The following MDH2 variants were observed in gnomAD, a reference collection of about 807,000 sequenced individuals.
The protein encoded by MDH2 is malate dehydrogenase, mitochondrial.
In MDH2, 25 loss-of-function variants were observed where a neutral mutation model predicts 33.6. That is an observed-to-expected ratio of 0.74 (90% CI 0.54 to 1.04). MDH2 has a LOEUF of 1.04. Ranked by LOEUF, MDH2 falls within the 50% of genes least tolerant of loss-of-function variation. The pLI, the probability that MDH2 is intolerant of heterozygous loss-of-function variation, is 0.00. For missense variants in MDH2, 432 were observed against 445.0 expected (o/e 0.97, Z 0.26); for synonymous variants, 193 against 188.7 (o/e 1.02, Z -0.19).
chr7:76,057,495 T>C lies in MDH2; in HGVS notation c.319+2T>C. On this transcript the variant is annotated splice_donor_variant, in intron 3 of 8. Transcript: ENST00000315758. LOFTEE classifies it high-confidence loss of function. ...CGGCTGGAGTCCCCAGAAAGCCAGG[T>C]TTGTGTTTGAAAGCCTTGTCTGGTA... is the stretch of plus-strand genomic sequence containing the variant. 6.2e-6 allele frequency: 10 copies of C among 1,613,994 alleles called. No homozygotes were observed. The highest frequency in any genetic ancestry group is 7.6e-6 in the Non-Finnish European group (9 of 1,179,988).
At chr7:76,058,219 A>C (rs996606053) in intron 4 of MDH2, 141 bp downstream of exon 4, 7 of 748,844 alleles carry the variant, frequency 9.3e-6, no homozygotes, top group Non-Finnish European at 1.5e-5. Context: ...GCTGAAATGG[A>C]GAGGTCGGGT....
intron 5 of MDH2, among the ~76,000 whole-genome samples, chr7:76,061,655 AAAAC>A (rs1554587029): frequency 6.6e-6 from 1 of 152,092 alleles, no homozygotes; most frequent in Non-Finnish European, 1.5e-5. Context: ...AAAAAAAAAA[AAAAC>A]AGTTTGAGTG....
chr7:76,048,985 G>GT (rs1797468170), intron 1 of MDH2: 2 of 37,994 alleles, frequency 5.3e-5, no homozygotes, highest in Non-Finnish European at 3.7e-5. Flanking sequence ...AGACTGCGGG[G>GT]GGGGGGGGGG....
intron 2 of MDH2, among the ~76,000 whole-genome samples, chr7:76,057,119 A>G (rs1323595553): frequency 6.6e-6 from 1 of 152,096 alleles, no homozygotes; most frequent in Non-Finnish European, 1.5e-5. Context: ...CACGAGTAGG[A>G]TGAAGACAAG....
chr7:76,064,235 G>T, intron 6 of MDH2, 104 bp from the exon 7 acceptor site: 1 of 735,760 alleles, frequency 1.4e-6, no homozygotes, highest in South Asian at 1.9e-5. Flanking sequence ...CCATGCCCTG[G>T]TGATGGGAGG....
At position 76,054,943 on chromosome 7, in the gene MDH2, C is replaced by T. The variant is rs548813592; in HGVS notation, c.180C>T (p.His60=). ...VSRLTLYDIA[H]TPGVAADLSH... ...GCCTGACCCTCTATGATATCGCGCA[C>T]ACACCCGGAGTGGCCGCAGATCTGA... is the stretch of plus-strand genomic sequence containing the variant. The change falls in exon 2 of 9, where the codon CAC becomes CAT. Residue 60 remains histidine (H), a synonymous_variant. Transcript: ENST00000315758. The T allele has an allele frequency of 2.5e-6, 4 of 1,614,138 alleles. No homozygotes were observed. The African/African-American group carries it at 5.3e-5, about 22-fold the overall frequency.
At chr7:76,052,172 T>C (rs915440197) in intron 1 of MDH2, among the ~76,000 whole-genome samples, 4 of 152,072 alleles carry the variant, frequency 2.6e-5, no homozygotes, top group Admixed American at 6.6e-5. Context: ...TGGTAGAGAT[T>C]AATTCTTTGT....
At chr7:76,057,030 G>C (rs538098072) in intron 2 of MDH2, among the ~76,000 whole-genome samples, 39 of 149,798 alleles carry the variant, frequency 2.6e-4, no homozygotes, top group Non-Finnish European at 5.3e-4. Flanking sequence ...AAAAAAAGGA[G>C]TTTTCATCAG....
In MDH2 at chr7:76,066,514, A is replaced by G; in HGVS notation, c.*104A>G. The G allele has an allele frequency of 2.2e-6, 3 of 1,389,956 alleles. No homozygotes were observed. Among genetic ancestry groups the G allele is most frequent in the Non-Finnish European group, 2.9e-6 (3 of 1,045,376 alleles). 86.1% of individuals were successfully genotyped at this position (1,389,956 alleles called of 1,614,324 possible). ...ATTTTAATTTGCTTTGGTGATGATT[A>G]CTGTATTGACATCATCATGCCTTCC... On this transcript the variant is annotated 3_prime_UTR_variant, in exon 9 of 9. Transcript: ENST00000315758.
intron 1 of MDH2, 120 bp downstream of exon 1, chr7:76,048,346 A>C (rs1585391322): frequency 7.3e-7 from 1 of 1,375,138 alleles, no homozygotes; most frequent in African/African-American, 1.5e-5. Flanking sequence ...GATGCCCGGC[A>C]CTGGCTGGAG....
In MDH2 at chr7:76,064,481, C is replaced by T. The variant is rs782481874; in HGVS notation, c.733+43C>T. ...CCCGGGGCTGGGTGCCAGTGAGGCCCTGCGAGAGCTCAGGGTTGGGGAGAA... is the reference window on the plus strand; with the variant it reads ...CCCGGGGCTGGGTGCCAGTGAGGCCTTGCGAGAGCTCAGGGTTGGGGAGAA... On this transcript the variant is annotated intron_variant, in intron 7 of 8. Transcript: ENST00000315758. 4.0e-6 allele frequency: 6 copies of T among 1,510,294 alleles called. No homozygotes were observed. The Admixed American group carries it at 1.1e-4, about 28-fold the overall frequency. 93.6% of individuals were successfully genotyped at this position (1,510,294 alleles called of 1,614,324 possible). A position where few individuals can be genotyped will look rare whatever the true frequency, so the allele number is the denominator to read the frequency against.
At chr7:76,061,479 G>A (rs1162114597) in intron 5 of MDH2, among the ~76,000 whole-genome samples, 2 of 152,062 alleles carry the variant, frequency 1.3e-5, no homozygotes, top group African/African-American at 2.4e-5. Context: ...CACTTGAATC[G>A]AAGAGACAGT....
At chr7:76,060,339 A>T (rs782803077) in intron 4 of MDH2, 34 bp from the exon 5 acceptor site, 1 of 1,610,972 alleles carries the variant, frequency 6.2e-7, no homozygotes, top group South Asian at 1.1e-5. Context: ...CTCGGAACCC[A>T]GGGCAAGCCA....
Position 76,064,353 on chromosome 7 carries a change from G to A in MDH2, c.648G>A (p.Val216=). ...TTGGCTTGCAGTGCACCCCCAAGGTGGACTTTCCCCAGGACCAGCTGACAG... is the reference window on the plus strand; with the variant it reads ...TTGGCTTGCAGTGCACCCCCAAGGTAGACTTTCCCCAGGACCAGCTGACAG... ...IPLISQCTPK[V]DFPQDQLTAL... is the part of the protein sequence containing the mutation. Residue 216 remains valine (V), a synonymous_variant, in exon 7 of 9, where the codon GTG becomes GTA. Coordinates refer to ENST00000315758, the MANE Select transcript of MDH2 (RefSeq NM_005918.4). 1.2e-6 allele frequency: 2 copies of A among 1,612,756 alleles called. No individual in the cohort carries two copies. Among genetic ancestry groups the A allele is most frequent in the South Asian group, 1.1e-5 (1 of 90,730 alleles).
At chr7:76,052,336 G>C (rs560615268) in intron 1 of MDH2, among the ~76,000 whole-genome samples, 1 of 151,748 alleles carries the variant, frequency 6.6e-6, no homozygotes, top group Admixed American at 6.6e-5. Flanking sequence ...CAGCTAAGGT[G>C]GGGAGGATGG....
chr7:76,048,987 G>GTT lies in MDH2; in HGVS notation c.66+761_66+762insTT. The stretch of plus-strand genomic sequence containing the variant: ...TTGAAGAAGCTTAAGACTGCGGGGG[G>GTT]GGGGGGGGGGGTCCGCATTTTTACC... On this transcript the variant is annotated intron_variant, in intron 1 of 8. Coordinates refer to ENST00000315758, the MANE Select transcript of MDH2 (RefSeq NM_005918.4). 1.3e-4 allele frequency: 5 copies of GTT among 37,440 alleles called. No individual in the cohort carries two copies. The South Asian group carries it at 4.5e-3, about 34-fold the overall frequency. 2.3% of individuals were successfully genotyped at this position (37,440 alleles called of 1,614,324 possible).
Position 76,066,260 on chromosome 7 carries a change from A to G in MDH2, c.886-19A>G, listed in dbSNP as rs1224756379. ...ACTTTCCTGGAAACTTCATTTTAAC[A>G]TGTTCCCATCTCCCTCAGAAAAAGG... is the stretch of plus-strand genomic sequence containing the variant. On this transcript the variant is annotated intron_variant, in intron 8 of 8. Transcript: ENST00000315758. 3.1e-6 allele frequency: 5 copies of G among 1,601,290 alleles called. No individual in the cohort carries two copies. Among genetic ancestry groups the G allele is most frequent in the East Asian group, 4.5e-5 (2 of 44,544 alleles).
intron 5 of MDH2, among the ~76,000 whole-genome samples, chr7:76,062,872 C>T (rs1422263891): frequency 2.0e-5 from 3 of 152,160 alleles, no homozygotes; most frequent in African/African-American, 7.2e-5. Flanking sequence ...CCACTACACT[C>T]CAGCCTGGGG....
intron 4 of MDH2, 172 bp downstream of exon 4, chr7:76,058,250 C>T (rs188062672): frequency 3.6e-4 from 219 of 609,624 alleles, no homozygotes; most frequent in African/African-American, 3.3e-3. Context: ...GAGGCCCGTC[C>T]GTGCACTTCC....
Sources: gnomAD v4.1 joint callset for allele counts (sites outside exome capture counted in the v4.1 genomes callset) on GRCh38, gnomAD v4.1.1 for gene constraint, MANE v1.5 for transcripts, NCBI Gene and HGNC (gene_info 2026-07-23, HGNC 2026-07-21) for gene names.